GALNT13: variants seen among roughly 807,000 people sequenced by gnomAD.
GALNT13 encodes UDP-GalNAc:polypeptide N-acetylgalactosaminyltransferase 13.
In GALNT13, 28 loss-of-function variants were observed where a neutral mutation model predicts 64.2. The observed-to-expected ratio is 0.44, with a 90% CI of 0.32 to 0.60. The LOEUF (loss-of-function observed/expected upper bound fraction) is 0.60. GALNT13 is among the 20% of genes least tolerant of loss of function. The probability of loss-of-function intolerance (pLI) is 0.05; values close to 1 mark genes in which losing one functional copy is unlikely to be tolerated. For synonymous variants in GALNT13, 214 were observed against 224.6 expected (o/e 0.95, Z 0.42); for missense variants, 577 against 669.8 (o/e 0.86, Z 1.53).
upstream of GALNT13, among the ~76,000 whole-genome samples, chr2:153,871,037 G>C (rs7604919): frequency 0.82 from 125,019 of 152,076 alleles, 52,616 homozygotes; most frequent in Non-Finnish European, 0.9. Flanking sequence ...CCAAGTCTTT[G>C]AGACGCTAAT....
chr2:154,008,968 T>C (rs12624082), intron 3 of GALNT13, among the ~76,000 whole-genome samples: 36,361 of 152,116 alleles, frequency 0.24, 4,890 homozygotes, highest in Non-Finnish European at 0.3. Context: ...ACAATGGGAT[T>C]GCTAGGTTAA....
At chr2:154,410,952 C>T (rs1468017122) in intron 11 of GALNT13, among the ~76,000 whole-genome samples, 1 of 151,902 alleles carries the variant, frequency 6.6e-6, no homozygotes, top group Non-Finnish European at 1.5e-5. Context: ...TCTCACTCTA[C>T]TGCAAACTTC....
chr2:153,994,752 G>C (rs546559462), intron 3 of GALNT13, among the ~76,000 whole-genome samples: 17 of 147,616 alleles, frequency 1.2e-4, no homozygotes, highest in African/African-American at 3.9e-4. Context: ...TCGCCCACTT[G>C]TTGATGGGGT....
the GALNT13 span, among the ~76,000 whole-genome samples, chr2:153,860,507 A>T: frequency 6.6e-6 from 1 of 152,120 alleles, no homozygotes. Context: ...TTTAGGACCA[A>T]ATCAGTTGAC....
At chr2:154,265,270 C>G (rs776733596) in intron 8 of GALNT13, among the ~76,000 whole-genome samples, 50 of 151,254 alleles carry the variant, frequency 3.3e-4, no homozygotes, top group Non-Finnish European at 6.6e-4. Flanking sequence ...ACCAAACAGC[C>G]CTGTATCTAG....
chr2:154,189,770 C>T (rs551433893), intron 4 of GALNT13, among the ~76,000 whole-genome samples: 21 of 151,890 alleles, frequency 1.4e-4, no homozygotes, highest in Non-Finnish European at 2.2e-4. Context: ...TTTATTCCAC[C>T]ATCCACTCCT....
At chr2:153,722,816 T>C in the GALNT13 span, among the ~76,000 whole-genome samples, 15 of 151,428 alleles carry the variant, frequency 9.9e-5, no homozygotes, top group African/African-American at 7.3e-5. Context: ...TAATCAATAG[T>C]TTACCAACCA....
intron 9 of GALNT13, among the ~76,000 whole-genome samples, chr2:154,306,541 A>G (rs987116316): frequency 1.3e-5 from 2 of 150,408 alleles, no homozygotes; most frequent in Non-Finnish European, 3.0e-5. Context: ...CTGGCTGTAC[A>G]GGAGATCAGA....
At chr2:154,107,908 T>G (rs1053856743) in intron 3 of GALNT13, among the ~76,000 whole-genome samples, 2 of 152,182 alleles carry the variant, frequency 1.3e-5, no homozygotes, top group African/African-American at 4.8e-5. Context: ...TGTTCTCCAA[T>G]TTCATGTAGT....
the GALNT13 span, among the ~76,000 whole-genome samples, chr2:153,392,043 T>C: frequency 1.3e-5 from 2 of 148,390 alleles, no homozygotes; most frequent in Admixed American, 1.4e-4. Context: ...ATGTGATTTA[T>C]ATAATATATG....
intron 9 of GALNT13, among the ~76,000 whole-genome samples, chr2:154,375,433 G>T (rs1697933373): frequency 6.6e-6 from 1 of 152,124 alleles, no homozygotes. Flanking sequence ...ACTTTCCTTT[G>T]CTCATTCCAG....
At chr2:154,437,484 G>T (rs1319559594) in intron 11 of GALNT13, 3 of 1,201,998 alleles carry the variant, frequency 2.5e-6, no homozygotes, top group African/African-American at 1.6e-5. Flanking sequence ...ATTGCAAGGA[G>T]AAAGAAAAAC....
chr2:153,386,277 C>G, the GALNT13 span, among the ~76,000 whole-genome samples: 1 of 151,998 alleles, frequency 6.6e-6, no homozygotes, highest in Admixed American at 6.6e-5. Context: ...CTAAGGCTTT[C>G]TCTTTGCAGT....
chr2:153,740,559 C>A, the GALNT13 span, among the ~76,000 whole-genome samples: 1 of 152,006 alleles, frequency 6.6e-6, no homozygotes, highest in Non-Finnish European at 1.5e-5. Flanking sequence ...TCTTTTCTCT[C>A]TAGTCTTATT....
the GALNT13 span, among the ~76,000 whole-genome samples, chr2:153,635,218 A>T: frequency 3.3e-5 from 5 of 151,822 alleles, no homozygotes; most frequent in African/African-American, 1.2e-4. Flanking sequence ...CCCAGTTGAA[A>T]CATTTTTTTC....
At chr2:153,137,583 T>C in the GALNT13 span, among the ~76,000 whole-genome samples, 1 of 152,110 alleles carries the variant, frequency 6.6e-6, no homozygotes, top group African/African-American at 2.4e-5. Flanking sequence ...TCCTAAAGCC[T>C]ATTGTACCTG....
intron 4 of GALNT13, among the ~76,000 whole-genome samples, chr2:154,166,932 A>T (rs1025923940): frequency 6.6e-5 from 10 of 151,802 alleles, no homozygotes; most frequent in South Asian, 4.2e-4. Context: ...AACAATGAGA[A>T]CACATGGACA....
chr2:154,299,689 T>G (rs2105089868), intron 8 of GALNT13, among the ~76,000 whole-genome samples: 1 of 151,774 alleles, frequency 6.6e-6, no homozygotes, highest in East Asian at 2.0e-4. Context: ...GGTCTCGATC[T>G]CTTGACCTCG....
chr2:154,115,930 C>G (rs1470303942), intron 3 of GALNT13, among the ~76,000 whole-genome samples: 2 of 152,074 alleles, frequency 1.3e-5, no homozygotes, highest in Non-Finnish European at 2.9e-5. Flanking sequence ...TGTAGCATAC[C>G]TCCTCATGGG....
Sources: gnomAD v4.1 joint callset for allele counts (sites outside exome capture counted in the v4.1 genomes callset) on GRCh38, gnomAD v4.1.1 for gene constraint, MANE v1.5 for transcripts, NCBI Gene and HGNC (gene_info 2026-07-23, HGNC 2026-07-21) for gene names.